RALGAPA1: variants seen among roughly 807,000 people sequenced by gnomAD.
The protein encoded by RALGAPA1 is Ral GTPase activating protein catalytic subunit alpha 1.
A neutral mutation model predicts 269.6 loss-of-function variants in RALGAPA1; 52 were observed. The ratio of observed to expected loss-of-function variants is 0.19; its 90% confidence interval spans 0.15 to 0.24. RALGAPA1 has a LOEUF of 0.24. Ranked by LOEUF, RALGAPA1 falls within the 10% of genes least tolerant of loss-of-function variation. The pLI, the probability that RALGAPA1 is intolerant of heterozygous loss-of-function variation, is 1.00. For missense variants in RALGAPA1, 1,917 were observed against 3,013.9 expected, an observed-to-expected ratio of 0.64 and a Z score of 8.52; for synonymous variants, 817 against 1,008.3, an observed-to-expected ratio of 0.81 and a Z score of 3.60.
intron 31 of RALGAPA1, among the ~76,000 whole-genome samples, chr14:35,639,900 C>A (rs1048538518): frequency 6.6e-6 from 1 of 150,550 alleles, no homozygotes; most frequent in African/African-American, 2.5e-5. Flanking sequence ...GATTGCACCA[C>A]TGCAGTTCAG....
At chr14:35,783,001 T>C (rs1193625284) in intron 1 of RALGAPA1, among the ~76,000 whole-genome samples, 1 of 151,988 alleles carries the variant, frequency 6.6e-6, no homozygotes, top group Non-Finnish European at 1.5e-5. Context: ...TTTTAAATTT[T>C]TTGTAGAGAC....
chr14:35,676,907 T>G (rs1463993700), intron 22 of RALGAPA1: 2 of 152,230 alleles, frequency 1.3e-5, no homozygotes, highest in Non-Finnish European at 2.9e-5. Flanking sequence ...CTTCTATAAC[T>G]GAAGTTTTTT....
At chr14:35,702,724 A>ATATATATAT (rs5807841) in intron 16 of RALGAPA1, among the ~76,000 whole-genome samples, 1 of 132,680 alleles carries the variant, frequency 7.5e-6, no homozygotes, top group African/African-American at 3.4e-5. Context: ...TTAAAAAAAA[A>ATATATATAT]AAATATATAT....
rs766740429 is a variant in RALGAPA1, at chr14:35,539,496, C to G, written c.*218G>C. On this transcript the variant is annotated 3_prime_UTR_variant, in exon 42 of 42. Transcript: ENST00000680220. Reference sequence around the variant, plus strand: ...GGCCTGAAAGGGTTAACCCTATGTTCGTGCTAAGGTGGCTACTGCTGATCA... The same window carrying G: ...GGCCTGAAAGGGTTAACCCTATGTTGGTGCTAAGGTGGCTACTGCTGATCA... 1 of 1,592,416 alleles carries G rather than the reference C, an allele frequency of 6.3e-7. No homozygotes were observed. The highest frequency in any genetic ancestry group is 1.7e-5 in the Admixed American group (1 of 58,340).
chr14:35,694,404 A>C (rs1299446628), intron 17 of RALGAPA1, among the ~76,000 whole-genome samples: 1 of 152,186 alleles, frequency 6.6e-6, no homozygotes, highest in African/African-American at 2.4e-5. Context: ...CAACAACGGC[A>C]ATGTACTTCA....
intron 7 of RALGAPA1, among the ~76,000 whole-genome samples, chr14:35,755,771 C>A (rs553168566): frequency 1.3e-5 from 2 of 152,250 alleles, no homozygotes; most frequent in Admixed American, 6.5e-5. Flanking sequence ...AATAGCCACA[C>A]TATTAGTAAA....
chr14:35,742,054 T>C (rs2071600040), intron 11 of RALGAPA1, among the ~76,000 whole-genome samples: 1 of 152,244 alleles, frequency 6.6e-6, no homozygotes, highest in Admixed American at 6.5e-5. Context: ...GTATGTATTT[T>C]AAAATCCATT....
chr14:35,581,648 A>C (rs1188039587), intron 37 of RALGAPA1, among the ~76,000 whole-genome samples: 1 of 152,204 alleles, frequency 6.6e-6, no homozygotes, highest in Admixed American at 6.5e-5. Flanking sequence ...TATCATTAGA[A>C]GGGAAATACA....
chr14:35,705,345 T>C (rs2067712164), intron 16 of RALGAPA1, among the ~76,000 whole-genome samples: 1 of 152,078 alleles, frequency 6.6e-6, no homozygotes, highest in South Asian at 2.1e-4. Context: ...CCCACCCCCC[T>C]ATTCCTAGTG....
chr14:35,739,051 A>T (rs34340594), intron 11 of RALGAPA1, among the ~76,000 whole-genome samples: 52,922 of 147,296 alleles, frequency 0.36, 12,726 homozygotes, highest in African/African-American at 0.68. Flanking sequence ...AAAAAAAAAA[A>T]GGCTTATGTT....
In RALGAPA1 at chr14:35,685,001, T is replaced by C. The variant is rs1566997887; in HGVS notation, c.4222A>G (p.Ser1408Gly). 1 of 1,613,160 alleles carries C rather than the reference T, an allele frequency of 6.2e-7. No homozygotes were observed. Among genetic ancestry groups the C allele is most frequent in the Non-Finnish European group, 8.5e-7 (1 of 1,179,770 alleles). The change falls in exon 20 of 42, where the codon AGT becomes GGT. Residue 1408 changes from serine (S) to glycine (G), a missense_variant. By Grantham distance (56) the Ser-to-Gly change is moderately conservative. Coordinates refer to ENST00000680220, the MANE Select transcript of RALGAPA1 (RefSeq NM_001346249.2). ...TGACTATCTGAGCTGATAAGATCAC[T>C]GCTCCCTGCACTGGCAGGAGAAGTC... ...EWTSPASAGS[S>G]DLISSDSHSD...
chr14:35,729,286 G>C (rs992185663), intron 12 of RALGAPA1, among the ~76,000 whole-genome samples: 3 of 151,888 alleles, frequency 2.0e-5, no homozygotes, highest in Non-Finnish European at 4.4e-5. Context: ...GGAAAAAACT[G>C]ATTATCACTA....
intron 16 of RALGAPA1, among the ~76,000 whole-genome samples, chr14:35,714,860 C>T (rs1044788126): frequency 6.6e-5 from 10 of 152,160 alleles, no homozygotes; most frequent in Admixed American, 2.6e-4. Flanking sequence ...TTGGTCAGTA[C>T]ACAATTCTAT....
At chr14:35,797,351 C>CAAAAAAAAAAAAAAAAAAAAAA (rs530576211) in intron 1 of RALGAPA1, among the ~76,000 whole-genome samples, 3 of 60,130 alleles carry the variant, frequency 5.0e-5, no homozygotes, top group African/African-American at 1.5e-4. Context: ...GACTCCGTCT[C>CAAAAAAAAAAAAAAAAAAAAAA]AAAAAAAAAA....
At chr14:35,762,675 A>G (rs757645480) in intron 5 of RALGAPA1, 35 bp downstream of exon 5, 1 of 1,289,518 alleles carries the variant, frequency 7.8e-7, no homozygotes, top group East Asian at 2.3e-5. Flanking sequence ...TCTACTCAGT[A>G]TTTTTAAAGT....
At chr14:35,581,742 G>A (rs547616404) in intron 37 of RALGAPA1, among the ~76,000 whole-genome samples, 2 of 152,102 alleles carry the variant, frequency 1.3e-5, no homozygotes, top group Admixed American at 1.3e-4. Flanking sequence ...ACAAGTGTTG[G>A]CAAAGATGTG....
At position 35,636,242 on chromosome 14, in the gene RALGAPA1, C is replaced by T. The variant is rs148084945; in HGVS notation, c.5677-644G>A. Among the ~76,000 whole-genome samples the T allele has an allele frequency of 2.6e-3, 398 of 152,218 alleles. 2 individuals carry two copies. The highest frequency in any genetic ancestry group is 9.3e-3 in the African/African-American group (385 of 41,526). On this transcript the variant is annotated intron_variant, in intron 31 of 41. Coordinates refer to ENST00000680220, the MANE Select transcript of RALGAPA1 (RefSeq NM_001346249.2). ...CTTTTAAACTAATGAATGCTATAAA[C>T]AGGTCACTTTTTATACAAAATGTAG...
chr14:35,601,070 G>A (rs1432598620), intron 36 of RALGAPA1, among the ~76,000 whole-genome samples: 1 of 152,170 alleles, frequency 6.6e-6, no homozygotes, highest in Non-Finnish European at 1.5e-5. Context: ...GGGAAACAGG[G>A]AAGATCCTCA....
At chr14:35,542,745 CAT>C (rs984089086) in intron 41 of RALGAPA1, among the ~76,000 whole-genome samples, 2 of 152,176 alleles carry the variant, frequency 1.3e-5, no homozygotes, top group South Asian at 2.1e-4. Flanking sequence ...TAAAAGTACA[CAT>C]GAGCTCCTAT....
Sources: gnomAD v4.1 joint callset for allele counts (sites outside exome capture counted in the v4.1 genomes callset) on GRCh38, gnomAD v4.1.1 for gene constraint, MANE v1.5 for transcripts, NCBI Gene and HGNC (gene_info 2026-07-23, HGNC 2026-07-21) for gene names.